Variants in SMIM36 observed in about 807,000 individuals in gnomAD.
SMIM36 encodes small integral membrane protein 36.
At chr17:55,470,179 A>G (rs1445216448) in intron 3 of SMIM36, among the ~76,000 whole-genome samples, 2 of 152,072 alleles carry the variant, frequency 1.3e-5, no homozygotes, top group Admixed American at 1.3e-4. Flanking sequence ...CGGACTGTCC[A>G]TCTTGCCCAG....
At position 55,452,061 on chromosome 17, in the gene SMIM36, C is replaced by T. The variant is rs1231584375; in HGVS notation, c.*532-1763G>A. Among the ~76,000 whole-genome samples the T allele has an allele frequency of 2.3e-5, 3 of 132,854 alleles. No homozygotes were observed. The East Asian group carries it at 6.7e-4, about 29-fold the overall frequency. The allele number at this position is 132,854 out of a possible 152,430, so 87.2% of individuals were successfully genotyped here. ...GCTGCAGTAAGCTATGATTGGGCCA[C>T]TGTACTCCAGCCTGGGTGACAGCAT... On this transcript the variant is annotated intron_variant, in intron 4 of 4. Transcript: ENST00000636752.
chr17:55,498,568 C>T (rs1295522374), intron 1 of SMIM36, among the ~76,000 whole-genome samples: 1 of 149,062 alleles, frequency 6.7e-6, no homozygotes, highest in East Asian at 2.0e-4. Flanking sequence ...CCTTGACCAT[C>T]TTAAGATTAT....
chr17:55,483,923 T>C (rs80183257), intron 1 of SMIM36, among the ~76,000 whole-genome samples: 12,192 of 152,224 alleles, frequency 0.08, 537 homozygotes, highest in South Asian at 0.15. Context: ...CCACCGTGCT[T>C]GGCCTGTGTC....
At chr17:55,504,027 A>C (rs1350832840) in intron 1 of SMIM36, among the ~76,000 whole-genome samples, 1 of 87,126 alleles carries the variant, frequency 1.1e-5, no homozygotes, top group African/African-American at 7.0e-5. Context: ...AGAGCTAACT[A>C]TCCTAAATAT....
intron 3 of SMIM36, 40 bp from the exon 4 acceptor site, chr17:55,467,368 T>TA (rs1191591535): frequency 6.6e-6 from 1 of 152,200 alleles, no homozygotes; most frequent in Non-Finnish European, 1.5e-5. Context: ...CAAAGCGTGT[T>TA]GGAGCCTTAT....
chr17:55,485,160 TA>T (rs1909582410), intron 1 of SMIM36, among the ~76,000 whole-genome samples: 1 of 152,230 alleles, frequency 6.6e-6, no homozygotes, highest in Admixed American at 6.5e-5. Context: ...TAGATTAGGC[TA>T]ATATGGCAAA....
intron 1 of SMIM36, among the ~76,000 whole-genome samples, chr17:55,495,394 A>G (rs909386147): frequency 3.3e-5 from 5 of 152,208 alleles, no homozygotes; most frequent in African/African-American, 1.2e-4. Flanking sequence ...GATTGGAACC[A>G]CTGCTATAAC....
At chr17:55,512,583 G>A (rs994610795), upstream of SMIM36, among the ~76,000 whole-genome samples, 1 of 152,214 alleles carries the variant, frequency 6.6e-6, no homozygotes, top group Admixed American at 6.5e-5. Context: ...TTGTAGCCTG[G>A]TCCCAATAGT....
intron 4 of SMIM36, among the ~76,000 whole-genome samples, chr17:55,466,427 G>A (rs1909239939): frequency 6.6e-6 from 1 of 152,118 alleles, no homozygotes; most frequent in African/African-American, 2.4e-5. Flanking sequence ...TGCTACGTGT[G>A]GGAGTTTGCA....
chr17:55,515,086 G>GTTTTTTT (rs1158864125), upstream of SMIM36, among the ~76,000 whole-genome samples: 185 of 54,078 alleles, frequency 3.4e-3, 32 homozygotes, highest in Non-Finnish European at 4.9e-3. Flanking sequence ...CTAGTCTAGT[G>GTTTTTTT]TTTTTTTTTT....
intron 4 of SMIM36, among the ~76,000 whole-genome samples, chr17:55,464,188 C>T (rs955165516): frequency 6.6e-6 from 1 of 152,138 alleles, no homozygotes; most frequent in Non-Finnish European, 1.5e-5. Flanking sequence ...CTAGGATATT[C>T]TACTATTCTA....
chr17:55,523,545 A>C, the SMIM36 span, among the ~76,000 whole-genome samples: 3 of 151,894 alleles, frequency 2.0e-5, no homozygotes, highest in East Asian at 1.9e-4. Context: ...AAAAAAAAAA[A>C]AAACATGTGA....
chr17:55,460,462 G>C (rs1349293620), intron 4 of SMIM36, among the ~76,000 whole-genome samples: 4 of 146,054 alleles, frequency 2.7e-5, no homozygotes, highest in Admixed American at 2.0e-4. Flanking sequence ...CAAAAAAAAA[G>C]AACAACAACA....
At chr17:55,498,971 C>T (rs1439247984) in intron 1 of SMIM36, among the ~76,000 whole-genome samples, 1 of 124,628 alleles carries the variant, frequency 8.0e-6, no homozygotes, top group Non-Finnish European at 1.6e-5. Flanking sequence ...TGCACTCTAG[C>T]CTGGGTGACA....
At chr17:55,487,341 T>TA (rs1456654057) in intron 1 of SMIM36, among the ~76,000 whole-genome samples, 1 of 152,114 alleles carries the variant, frequency 6.6e-6, no homozygotes, top group Non-Finnish European at 1.5e-5. Flanking sequence ...CCCTATAACT[T>TA]AGAGTATCAT....
intron 1 of SMIM36, among the ~76,000 whole-genome samples, chr17:55,501,871 C>T (rs752602842): frequency 6.8e-5 from 8 of 118,062 alleles, no homozygotes; most frequent in African/African-American, 1.6e-4. Context: ...AGTGGGTGCG[C>T]GCACAGTGCG....
chr17:55,471,410 A>G (rs961429323), intron 3 of SMIM36, among the ~76,000 whole-genome samples: 3 of 151,882 alleles, frequency 2.0e-5, no homozygotes, highest in African/African-American at 7.3e-5. Context: ...CAAGGCACAA[A>G]TTTCTTCCCC....
chr17:55,461,969 C>G (rs1909155199), intron 4 of SMIM36, among the ~76,000 whole-genome samples: 1 of 152,136 alleles, frequency 6.6e-6, no homozygotes, highest in African/African-American at 2.4e-5. Flanking sequence ...TCTGGAGTAA[C>G]AAATGGGAAA....
chr17:55,455,447 T>C (rs559720909), intron 4 of SMIM36, among the ~76,000 whole-genome samples: 2 of 148,310 alleles, frequency 1.3e-5, no homozygotes, highest in South Asian at 4.5e-4. Context: ...ATGACACTCA[T>C]ATTCCATCCA....
Sources: allele counts gnomAD v4.1 joint callset (sites outside exome capture counted in the v4.1 genomes callset), GRCh38; gene constraint gnomAD v4.1.1; transcripts MANE v1.5; gene names NCBI Gene and HGNC (gene_info 2026-07-23, HGNC 2026-07-21).